FAM107B: variants seen among roughly 807,000 people sequenced by gnomAD.
FAM107B encodes family with sequence similarity 107 member B, also known as protein FAM107B.
Under a neutral mutation model 31.5 loss-of-function variants are expected in FAM107B, and 21 were observed. That is an observed-to-expected ratio of 0.67 (90% CI 0.47 to 0.96). FAM107B has a LOEUF of 0.96. Among genes scored for constraint, FAM107B ranks in the 40% least tolerant of loss-of-function variants. The pLI, the probability that FAM107B is intolerant of heterozygous loss-of-function variation, is 0.00. For missense variants in FAM107B, 452 were observed against 377.1 expected (o/e 1.20, Z -1.64); for synonymous variants, 157 against 141.5 (o/e 1.11, Z -0.78).
At chr10:14,767,065 G>T (rs375152881) in intron 1 of FAM107B, among the ~76,000 whole-genome samples, 1,116 of 40,206 alleles carry the variant, frequency 0.028, 1 homozygote, top group Non-Finnish European at 0.037. Context: ...TAGAGAGAGA[G>T]AGAGAGAGAG....
intron 1 of FAM107B, among the ~76,000 whole-genome samples, chr10:14,758,357 GT>G (rs1832971420): frequency 6.6e-6 from 1 of 152,164 alleles, no homozygotes; most frequent in Non-Finnish European, 1.5e-5. Context: ...CTGCCAGCCA[GT>G]TCTCAGAGCC....
chr10:14,547,108 C>G (rs539232541), intron 2 of FAM107B, among the ~76,000 whole-genome samples: 1 of 152,332 alleles, frequency 6.6e-6, no homozygotes, highest in East Asian at 1.9e-4. Flanking sequence ...AACCCCAAGT[C>G]TGCCTTTCCA....
intron 2 of FAM107B, among the ~76,000 whole-genome samples, chr10:14,542,125 C>G (rs934852373): frequency 2.0e-5 from 3 of 151,922 alleles, no homozygotes; most frequent in African/African-American, 7.3e-5. Flanking sequence ...CAAAAATGAG[C>G]CAGGCATCGT....
chr10:14,762,042 T>A (rs1345408328), intron 1 of FAM107B, among the ~76,000 whole-genome samples: 1 of 152,144 alleles, frequency 6.6e-6, no homozygotes, highest in Admixed American at 6.5e-5. Context: ...GTGTAAACAC[T>A]CTGAGTATCT....
intron 2 of FAM107B, among the ~76,000 whole-genome samples, chr10:14,592,456 T>C (rs1852052392): frequency 6.6e-6 from 1 of 152,196 alleles, no homozygotes; most frequent in Non-Finnish European, 1.5e-5. Flanking sequence ...AAGGCACCTC[T>C]GAAGTGAAAG....
chr10:14,596,937 C>T (rs144857465), intron 2 of FAM107B, among the ~76,000 whole-genome samples: 134 of 152,196 alleles, frequency 8.8e-4, no homozygotes, highest in African/African-American at 2.9e-3. Context: ...TTATAGAAGA[C>T]GACGCTGGGA....
intron 2 of FAM107B, among the ~76,000 whole-genome samples, chr10:14,636,328 AG>A (rs1459606272): frequency 2.0e-5 from 3 of 148,856 alleles, no homozygotes; most frequent in Non-Finnish European, 1.5e-5. Context: ...AGAGCAAGTG[AG>A]AGAGAGAGAG....
chr10:14,687,303 G>A (rs1337735652), intron 1 of FAM107B, among the ~76,000 whole-genome samples: 2 of 152,158 alleles, frequency 1.3e-5, no homozygotes, highest in African/African-American at 2.4e-5. Flanking sequence ...AGAGCTCTTT[G>A]CAACCTCACG....
chr10:14,530,556 C>G (rs2130850128), intron 2 of FAM107B, 41 bp from the exon 3 acceptor site: 2 of 1,596,252 alleles, frequency 1.3e-6, no homozygotes, highest in East Asian at 4.5e-5. Context: ...GCAGTTTTTG[C>G]TAAGGCTTTT....
At chr10:14,631,140 C>G (rs1357746051) in intron 2 of FAM107B, among the ~76,000 whole-genome samples, 1 of 152,178 alleles carries the variant, frequency 6.6e-6, no homozygotes. Context: ...CTCCCCGGGA[C>G]AGTTTGTAAT....
chr10:14,614,184 CGTT>C (rs1368997740), intron 2 of FAM107B, among the ~76,000 whole-genome samples: 1 of 152,062 alleles, frequency 6.6e-6, no homozygotes, highest in East Asian at 1.9e-4. Context: ...CCTAAACAGT[CGTT>C]GTCCTGGGAG....
At chr10:14,522,160 C>T (rs1845719315) in intron 3 of FAM107B, 141 bp from the exon 4 acceptor site, 4 of 1,062,812 alleles carry the variant, frequency 3.8e-6, no homozygotes, top group Non-Finnish European at 5.3e-6. Flanking sequence ...CAGCAGGCAA[C>T]ATGGTGATCT....
intron 2 of FAM107B, among the ~76,000 whole-genome samples, chr10:14,585,639 A>G (rs1851797901): frequency 1.3e-5 from 2 of 152,330 alleles, no homozygotes; most frequent in Admixed American, 1.3e-4. Flanking sequence ...GGGAGAAAAG[A>G]GCTCTGAAAA....
At chr10:14,610,485 G>C (rs1168276654) in intron 2 of FAM107B, among the ~76,000 whole-genome samples, 1 of 152,222 alleles carries the variant, frequency 6.6e-6, no homozygotes, top group African/African-American at 2.4e-5. Context: ...CCATAACTCA[G>C]GAAGATAATG....
chr10:14,703,177 G>T (rs1855441816), intron 1 of FAM107B, among the ~76,000 whole-genome samples: 1 of 152,022 alleles, frequency 6.6e-6, no homozygotes, highest in South Asian at 2.1e-4. Flanking sequence ...CTCCCCATGT[G>T]CGTGCTAATG....
At chr10:14,769,796 T>G (rs1428509560) in intron 1 of FAM107B, among the ~76,000 whole-genome samples, 2 of 152,226 alleles carry the variant, frequency 1.3e-5, no homozygotes, top group Non-Finnish European at 2.9e-5. Context: ...TAGATGGAAC[T>G]TACAACTGCT....
intron 1 of FAM107B, among the ~76,000 whole-genome samples, chr10:14,773,798 T>A (rs1355401141): frequency 1.3e-5 from 2 of 152,222 alleles, no homozygotes; most frequent in African/African-American, 4.8e-5. Context: ...TCCAGACTGC[T>A]TTGATATCAT....
chr10:14,702,161 G>A (rs1395331685), intron 1 of FAM107B, among the ~76,000 whole-genome samples: 4 of 152,140 alleles, frequency 2.6e-5, no homozygotes, highest in African/African-American at 4.8e-5. Context: ...ACAAAGACAC[G>A]CACATAGCTT....
At chr10:14,612,268 A>G (rs937990550) in intron 2 of FAM107B, among the ~76,000 whole-genome samples, 3 of 152,238 alleles carry the variant, frequency 2.0e-5, no homozygotes, top group Non-Finnish European at 4.4e-5. Context: ...TGTTCCACCA[A>G]ATTTAACATG....
Sources: gnomAD v4.1 joint callset for allele counts (sites outside exome capture counted in the v4.1 genomes callset) on GRCh38, gnomAD v4.1.1 for gene constraint, MANE v1.5 for transcripts, NCBI Gene and HGNC (gene_info 2026-07-23, HGNC 2026-07-21) for gene names.